USH2A: variants seen among roughly 807,000 people sequenced by gnomAD.
USH2A encodes usherin.
USH2A carries 443 observed loss-of-function variants against 538.9 expected under a neutral mutation model. The ratio of observed to expected loss-of-function variants is 0.82; its 90% CI spans 0.76 to 0.89. The LOEUF (loss-of-function observed/expected upper bound fraction) is 0.89. Among genes scored for constraint, USH2A ranks in the 40% least tolerant of loss-of-function variants. USH2A has a pLI of 0.00. For synonymous variants in USH2A, 2,413 were observed against 2,273.5 expected (o/e 1.06, Z -1.75); for missense variants, 6,633 against 6,324.8 (o/e 1.05, Z -1.65).
At position 216,360,973 on chromosome 1, in the gene USH2A, A is replaced by C. The variant is rs201388819; in HGVS notation, c.784+3980T>G. On this transcript the variant is annotated intron_variant, in intron 4 of 71. Transcript: ENST00000307340. ...AGCCAAGGCAATCTTAAAAGAAAAA[A>C]AGTTGGAGAACTACTAGATATGAAG... Among the ~76,000 whole-genome samples, 4 of 152,210 alleles carry C rather than the reference A, an allele frequency of 2.6e-5. No individual in the cohort carries two copies. In the South Asian group the frequency reaches 6.2e-4, roughly 24 times the overall value.
chr1:215,927,102 G>A (rs77794899), intron 38 of USH2A, among the ~76,000 whole-genome samples: 7,307 of 152,156 alleles, frequency 0.048, 264 homozygotes, highest in Non-Finnish European at 0.069. Flanking sequence ...TTATGATTAT[G>A]TCATTTAATT....
At chr1:216,096,995 G>C in intron 22 of USH2A, 88 bp downstream of exon 22, 2 of 1,304,170 alleles carry the variant, frequency 1.5e-6, no homozygotes, top group Non-Finnish European at 2.2e-6. Flanking sequence ...TTTGAATGAA[G>C]ATTCAGTGTG....
chr1:215,800,365 T>C (rs1662288455), intron 49 of USH2A, among the ~76,000 whole-genome samples: 1 of 152,174 alleles, frequency 6.6e-6, no homozygotes, highest in African/African-American at 2.4e-5. Flanking sequence ...ACATATCTTT[T>C]CCCCTGGACA....
intron 3 of USH2A, among the ~76,000 whole-genome samples, chr1:216,416,865 T>C (rs549787592): frequency 6.6e-6 from 1 of 152,246 alleles, no homozygotes; most frequent in South Asian, 2.1e-4. Context: ...GCAACAAACA[T>C]ATCTATTTGG....
intron 47 of USH2A, 41 bp downstream of exon 47, chr1:215,837,950 G>A (rs1450709119): frequency 6.9e-7 from 1 of 1,453,020 alleles, no homozygotes; most frequent in Admixed American, 1.7e-5. Flanking sequence ...CATTTCTTCT[G>A]ATCAGAGTTC....
In USH2A at chr1:215,888,780, T is replaced by G. The variant is rs140903914; in HGVS notation, c.7869A>C (p.Ala2623=). Residue 2623 remains alanine, a synonymous_variant, in exon 41 of 72, where the codon GCA becomes GCC. Transcript: ENST00000307340. ...ESQTVWTLPG[A]PEGIPSPELF... ...GCTCTGGACTTGGGATCCCTTCCGG[T>G]GCCCCTGGGAGTGTCCATACAGTCT... is the stretch of plus-strand genomic sequence containing the variant. 8 of 1,613,970 alleles carry G rather than the reference T, an allele frequency of 5.0e-6. No homozygotes were observed. The African/African-American group carries it at 8.0e-5, about 16-fold the overall frequency.
Position 215,970,785 on chromosome 1 carries a change from A to T in USH2A, c.6806-9T>A. On this transcript the variant is annotated splice_polypyrimidine_tract_variant and intron_variant, in intron 35 of 71. Coordinates refer to ENST00000307340, the MANE Select transcript of USH2A (RefSeq NM_206933.4). ...ATAACTCGTGATAACACCTGGGAAG[A>T]TAATAATTGCCTTTCAGTATGACTA... is the stretch of plus-strand genomic sequence containing the variant. The T allele has an allele frequency of 6.2e-7, 1 of 1,613,168 alleles. No homozygotes were observed. Among genetic ancestry groups the T allele is most frequent in the Non-Finnish European group, 8.5e-7 (1 of 1,179,376 alleles).
chr1:216,066,199 T>G (rs1021877214), intron 30 of USH2A, among the ~76,000 whole-genome samples: 4 of 151,554 alleles, frequency 2.6e-5, no homozygotes, highest in Admixed American at 6.6e-5. Context: ...GGCCGGGCAC[T>G]GTGGCTCACG....
chr1:215,683,239 ACACACACACACACAC>A (rs1658299913), intron 61 of USH2A, among the ~76,000 whole-genome samples: 2 of 24,820 alleles, frequency 8.1e-5, no homozygotes, highest in Non-Finnish European at 2.3e-4. Flanking sequence ...ACACACACAC[ACACACACACACACAC>A]GCACACACAC....
chr1:216,183,717 T>C (rs926071872), intron 20 of USH2A, among the ~76,000 whole-genome samples: 4 of 152,064 alleles, frequency 2.6e-5, no homozygotes, highest in East Asian at 1.9e-4. Flanking sequence ...GCATGATTCA[T>C]GGCAATCTGC....
chr1:215,786,644 T>C, intron 52 of USH2A, 26 bp downstream of exon 52: 3 of 1,613,366 alleles, frequency 1.9e-6, no homozygotes, highest in Non-Finnish European at 2.5e-6. Flanking sequence ...CATTAAGCCA[T>C]GGGCAGACAG....
chr1:215,676,782 C>T (rs553450719), intron 62 of USH2A, among the ~76,000 whole-genome samples: 1 of 152,144 alleles, frequency 6.6e-6, no homozygotes, highest in South Asian at 2.1e-4. Flanking sequence ...CTCTGTGACC[C>T]CCCAAGCACC....
chr1:216,393,258 T>C (rs976976545), intron 3 of USH2A, among the ~76,000 whole-genome samples: 22 of 152,162 alleles, frequency 1.4e-4, no homozygotes, highest in African/African-American at 5.3e-4. Context: ...CAAAAACAAT[T>C]CTCCTCCAGA....
rs549304211 is a variant in USH2A at position 215,747,590 on chromosome 1, A to G, written c.11390-4255T>C. On this transcript the variant is annotated intron_variant, in intron 58 of 71. Transcript: ENST00000307340. ...TGTGCCAGAGGTAAAATAAAAAGTA[A>G]TATAATCAGGTTTCTTCTTCCTCTC... 7.2e-5 allele frequency among the ~76,000 whole-genome samples: 11 copies of G among 152,332 alleles called. No homozygotes were observed. The South Asian group carries it at 1.9e-3, about 26-fold the overall frequency.
At chr1:215,829,654 TACAC>T (rs1462724428) in intron 47 of USH2A, among the ~76,000 whole-genome samples, 2 of 152,212 alleles carry the variant, frequency 1.3e-5, no homozygotes, top group African/African-American at 4.8e-5. Flanking sequence ...ATAATGAAAT[TACAC>T]AAACAATACC....
chr1:215,706,927 T>A (rs755267408), intron 61 of USH2A, among the ~76,000 whole-genome samples: 75 of 152,216 alleles, frequency 4.9e-4, no homozygotes, highest in Non-Finnish European at 2.5e-4. Flanking sequence ...TCATCATGGT[T>A]TAGTAATTAC....
intron 14 of USH2A, among the ~76,000 whole-genome samples, chr1:216,229,417 G>A (rs1351315397): frequency 6.6e-6 from 1 of 151,654 alleles, no homozygotes; most frequent in Non-Finnish European, 1.5e-5. Flanking sequence ...CCAGTCTCAA[G>A]CAGTCCTCCC....
At chr1:216,296,193 A>C (rs2037100891) in intron 9 of USH2A, among the ~76,000 whole-genome samples, 1 of 152,106 alleles carries the variant, frequency 6.6e-6, no homozygotes, top group African/African-American at 2.4e-5. Context: ...TGTTTATATC[A>C]GGTAGTGCTA....
chr1:215,780,184 T>C (rs1661589512), intron 54 of USH2A, 143 bp from the exon 55 acceptor site: 1 of 925,242 alleles, frequency 1.1e-6, no homozygotes. Flanking sequence ...CCCTTTTTTT[T>C]CATTTTTTTC....
Sources: allele counts gnomAD v4.1 joint callset (sites outside exome capture counted in the v4.1 genomes callset), GRCh38; gene constraint gnomAD v4.1.1; transcripts MANE v1.5; gene names NCBI Gene and HGNC (gene_info 2026-07-23, HGNC 2026-07-21).